MAPK6: variants seen among roughly 807,000 people sequenced by gnomAD.
MAPK6 encodes the protein ERK-3.
Under a neutral mutation model 59.3 loss-of-function variants are expected in MAPK6, and 19 were observed. The ratio of observed to expected loss-of-function variants is 0.32; its 90% confidence interval spans 0.22 to 0.47. The LOEUF (loss-of-function observed/expected upper bound fraction) is 0.47. MAPK6 is among the 20% of genes least tolerant of loss of function. MAPK6 has a pLI of 1.00. For synonymous variants in MAPK6, 316 were observed against 290.3 expected, an observed-to-expected ratio of 1.09 and a Z score of -0.90; for missense variants, 724 against 847.9, an observed-to-expected ratio of 0.85 and a Z score of 1.81.
intron 3 of MAPK6, chr15:52,011,554 A>G (rs1224021471): frequency 1.3e-5 from 2 of 152,250 alleles, no homozygotes; most frequent in Non-Finnish European, 2.9e-5. Context: ...TGAATCAACA[A>G]TAAGTATTTA....
chr15:52,054,749 CATAT>C (rs1555399922), intron 3 of MAPK6, among the ~76,000 whole-genome samples: 29 of 150,050 alleles, frequency 1.9e-4, no homozygotes, highest in Middle Eastern at 3.4e-3. Context: ...CACACACACA[CATAT>C]ACACATACAT....
chr15:51,993,056 G>T (rs112448366), intron 2 of MAPK6, among the ~76,000 whole-genome samples: 3,472 of 152,094 alleles, frequency 0.023, 96 homozygotes, highest in East Asian at 0.078. Context: ...TATGGTTGGT[G>T]GGGGGGTAAA....
chr15:52,022,734 A>C (rs2030584029), intron 1 of MAPK6, among the ~76,000 whole-genome samples: 1 of 152,186 alleles, frequency 6.6e-6, no homozygotes, highest in African/African-American at 2.4e-5. Context: ...TTTTCAGAGC[A>C]TCACATTACT....
At chr15:52,009,694 A>G (rs1363120090) in intron 3 of MAPK6, among the ~76,000 whole-genome samples, 3 of 152,252 alleles carry the variant, frequency 2.0e-5, no homozygotes, top group Non-Finnish European at 4.4e-5. Flanking sequence ...CATTATTTAA[A>G]AAGTAAATGT....
intron 1 of MAPK6, among the ~76,000 whole-genome samples, chr15:51,974,972 C>G (rs1566891996): frequency 6.6e-6 from 1 of 151,384 alleles, no homozygotes; most frequent in Non-Finnish European, 1.5e-5. Flanking sequence ...TCCACCTCAA[C>G]CTCCCAAATG....
chr15:52,036,219 T>C (rs2031238425), intron 1 of MAPK6, among the ~76,000 whole-genome samples: 1 of 152,164 alleles, frequency 6.6e-6, no homozygotes, highest in South Asian at 2.1e-4. Flanking sequence ...GATGAGGAAC[T>C]GAGACATAAA....
Position 52,046,123 on chromosome 15 carries a change from C to G in MAPK6, c.-338C>G, listed in dbSNP as rs557347161. On this transcript the variant is annotated 5_prime_UTR_variant, in exon 2 of 6. The change creates a new upstream start codon in the 5' untranslated region. Coordinates refer to ENST00000261845, the MANE Select transcript of MAPK6 (RefSeq NM_002748.4). ...TTCACATTTTTGTTAAATGTTAAAT[C>G]GTTTAGCACGGTAATCTGAGTGCAC... The G allele has an allele frequency of 4.5e-6, 1 of 221,982 alleles. No homozygotes were observed. Among genetic ancestry groups the G allele is most frequent in the African/African-American group, 2.3e-5 (1 of 42,702 alleles). 13.8% of individuals were successfully genotyped at this position (221,982 alleles called of 1,614,324 possible).
chr15:52,050,176 A>G, intron 3 of MAPK6, 39 bp downstream of exon 3: 1 of 1,563,628 alleles, frequency 6.4e-7, no homozygotes, highest in Non-Finnish European at 8.6e-7. Context: ...CCCAAAGAGA[A>G]GTAATTTTGC....
At chr15:52,020,439 A>G (rs1297451011) in intron 1 of MAPK6, among the ~76,000 whole-genome samples, 2 of 151,840 alleles carry the variant, frequency 1.3e-5, no homozygotes, top group Admixed American at 6.6e-5. Flanking sequence ...ATTGCTAAAG[A>G]TGCAGTCTCA....
chr15:51,986,241 C>T (rs1457711015), intron 2 of MAPK6, among the ~76,000 whole-genome samples: 1 of 152,128 alleles, frequency 6.6e-6, no homozygotes, highest in Non-Finnish European at 1.5e-5. Context: ...AGAAGAAAAT[C>T]CACTCCCATG....
At chr15:52,054,013 A>G (rs1037550283) in intron 3 of MAPK6, among the ~76,000 whole-genome samples, 2 of 152,020 alleles carry the variant, frequency 1.3e-5, no homozygotes, top group Middle Eastern at 3.2e-3. Context: ...TGTCTGAGGA[A>G]TAATTGCCTG....
Position 52,046,672 on chromosome 15 carries a change from G to A in MAPK6, c.212G>A (p.Arg71Lys), listed in dbSNP as rs779209290. The A allele has an allele frequency of 1.2e-6, 2 of 1,614,078 alleles. No homozygotes were observed. Among genetic ancestry groups the A allele is most frequent in the South Asian group, 2.2e-5 (2 of 91,056 alleles). Residue 71 changes from arginine to lysine, a missense_variant, in exon 2 of 6, where the codon AGA becomes AAA. This residue lies in a region of MAPK6 where 87 missense variants were observed against 93.0 expected (regional missense o/e 0.93). Coordinates refer to ENST00000261845, the MANE Select transcript of MAPK6 (RefSeq NM_002748.4). The part of the protein sequence containing the change: ...HALREIKIIR[R>K]LDHDNIVKVF... ...CTACGTGAAATCAAAATTATTAGAAGACTTGACCATGATAACATTGTGAAA... is the reference window on the plus strand; with the variant it reads ...CTACGTGAAATCAAAATTATTAGAAAACTTGACCATGATAACATTGTGAAA...
chr15:52,043,640 T>C (rs370897090), intron 1 of MAPK6, among the ~76,000 whole-genome samples: 16 of 150,382 alleles, frequency 1.1e-4, no homozygotes, highest in African/African-American at 3.7e-4. Flanking sequence ...TCACATGAGC[T>C]AGATCATATA....
intron 2 of MAPK6, among the ~76,000 whole-genome samples, chr15:52,049,034 C>G (rs2031691147): frequency 6.6e-6 from 1 of 152,170 alleles, no homozygotes; most frequent in African/African-American, 2.4e-5. Context: ...ATCTCACTCT[C>G]TCAGTCATCA....
chr15:51,986,498 T>C (rs1047919605), intron 2 of MAPK6, among the ~76,000 whole-genome samples: 1 of 152,236 alleles, frequency 6.6e-6, no homozygotes, highest in Non-Finnish European at 1.5e-5. Context: ...TTTTATTTTT[T>C]GTTTGACTTT....
chr15:51,990,693 G>A (rs971614266), intron 2 of MAPK6, among the ~76,000 whole-genome samples: 1 of 152,210 alleles, frequency 6.6e-6, no homozygotes, highest in Non-Finnish European at 1.5e-5. Context: ...GCTCACGCCT[G>A]TAATCCCAGC....
chr15:51,974,581 C>T (rs1052398692), intron 1 of MAPK6, among the ~76,000 whole-genome samples: 2 of 147,342 alleles, frequency 1.4e-5, no homozygotes, highest in African/African-American at 2.5e-5. Context: ...ATGGCATGAA[C>T]CCAGGAGGCG....
intron 1 of MAPK6, among the ~76,000 whole-genome samples, chr15:52,034,404 C>T (rs1566906043): frequency 1.3e-5 from 2 of 152,084 alleles, no homozygotes; most frequent in Non-Finnish European, 2.9e-5. Flanking sequence ...CCTCTGCCTC[C>T]CGGGTTCAAG....
intron 3 of MAPK6, among the ~76,000 whole-genome samples, chr15:52,052,513 A>G (rs2031815765): frequency 6.6e-6 from 1 of 152,218 alleles, no homozygotes; most frequent in African/African-American, 2.4e-5. Context: ...TAATTTTGGA[A>G]CACTGTCTTG....
Sources: gnomAD v4.1 joint callset for allele counts (sites outside exome capture counted in the v4.1 genomes callset) on GRCh38, gnomAD v4.1.1 for gene constraint, gnomAD v4.1.1 regional missense constraint, MANE v1.5 for transcripts, NCBI Gene and HGNC (gene_info 2026-07-23, HGNC 2026-07-21) for gene names.